The following RPTOR variants were observed in gnomAD, a reference collection of about 807,000 sequenced individuals.
RPTOR encodes regulatory associated protein of MTOR complex 1, also known as regulatory-associated protein of mTOR.
RPTOR carries 21 observed loss-of-function variants against 169.9 expected under a neutral mutation model. The observed-to-expected ratio is 0.12, with a 90% confidence interval of 0.09 to 0.18. The LOEUF is 0.18. Among genes scored for constraint, RPTOR ranks in the 10% least tolerant of loss-of-function variants. RPTOR has a pLI of 1.00. For missense variants in RPTOR, 1,133 were observed against 1,855.9 expected (o/e 0.61, Z 7.16); for synonymous variants, 732 against 753.2 (o/e 0.97, Z 0.46).
At chr17:80,780,609 A>G (rs1304461583) in intron 6 of RPTOR, among the ~76,000 whole-genome samples, 1 of 152,124 alleles carries the variant, frequency 6.6e-6, no homozygotes, top group African/African-American at 2.4e-5. Context: ...GTGACCTGTG[A>G]TACGTATACT....
intron 6 of RPTOR, among the ~76,000 whole-genome samples, chr17:80,757,521 G>T (rs2066692666): frequency 6.6e-6 from 1 of 152,052 alleles, no homozygotes; most frequent in African/African-American, 2.4e-5. Flanking sequence ...TCTCTTGTTT[G>T]TCTTAATCTG....
At chr17:80,806,186 G>T (rs1388082978) in intron 7 of RPTOR, among the ~76,000 whole-genome samples, 1 of 152,200 alleles carries the variant, frequency 6.6e-6, no homozygotes, top group East Asian at 1.9e-4. Context: ...TCTCTCGGGT[G>T]CCATGTTCAC....
chr17:80,925,901 C>A (rs2143990571), intron 24 of RPTOR, among the ~76,000 whole-genome samples: 1 of 152,372 alleles, frequency 6.6e-6, no homozygotes, highest in African/African-American at 2.4e-5. Flanking sequence ...TCAACCCTGA[C>A]ACAGCCCTAA....
chr17:80,692,909 A>C lies in RPTOR; in HGVS notation c.349-14932A>C, dbSNP rs183735170. Among the ~76,000 whole-genome samples, 18 of 152,324 alleles carry C rather than the reference A, an allele frequency of 1.2e-4. No homozygotes were observed. In the East Asian group the frequency reaches 3.5e-3, roughly 29 times the overall value. ...GAGCCTATTTTATCTTTTCTTCTGT[A>C]GGTCACCACTGAAATGTTTTAATAA... On this transcript the variant is annotated intron_variant, in intron 3 of 33. Transcript: ENST00000306801.
chr17:80,554,742 T>TTAAAA (rs148803677), intron 1 of RPTOR, among the ~76,000 whole-genome samples: 1 of 143,862 alleles, frequency 7.0e-6, no homozygotes, highest in Non-Finnish European at 1.5e-5. Context: ...AGACTCTGTC[T>TTAAAA]CAAAACAAAA....
chr17:80,714,806 CTT>C (rs1415775946), intron 4 of RPTOR, among the ~76,000 whole-genome samples: 4 of 152,204 alleles, frequency 2.6e-5, no homozygotes, highest in African/African-American at 4.8e-5. Flanking sequence ...CCACTGCAAC[CTT>C]TGTCTCCTGG....
intron 25 of RPTOR, 90 bp downstream of exon 25, chr17:80,940,691 C>A: frequency 9.7e-7 from 1 of 1,032,640 alleles, no homozygotes; most frequent in Non-Finnish European, 1.4e-6. Flanking sequence ...CCGCGGCCCA[C>A]GCACAACCTT....
intron 3 of RPTOR, among the ~76,000 whole-genome samples, chr17:80,701,588 C>T (rs2066101417): frequency 6.6e-6 from 1 of 152,108 alleles, no homozygotes; most frequent in Non-Finnish European, 1.5e-5. Context: ...TCACTAGACC[C>T]CAGATGGGGC....
intron 24 of RPTOR, among the ~76,000 whole-genome samples, chr17:80,934,125 C>G (rs1486228425): frequency 6.6e-6 from 1 of 151,332 alleles, no homozygotes. Context: ...CTGAATAGTT[C>G]CTGTCTATTA....
rs1252227686 is a variant in RPTOR at position 80,707,691 on chromosome 17, A to G, written c.349-150A>G. 1 of 712,600 alleles carries G rather than the reference A, an allele frequency of 1.4e-6. No homozygotes were observed. The highest frequency in any genetic ancestry group is 1.8e-5 in the African/African-American group (1 of 56,116). 44.1% of individuals were successfully genotyped at this position (712,600 alleles called of 1,614,324 possible). On this transcript the variant is annotated intron_variant, in intron 3 of 33. Transcript: ENST00000306801. This position sits in a 1 kb window ranked among gnomAD's most constrained non-coding sequence, Gnocchi z 5.0. ...TTCGGCATGAGCCAGGGTGCCTGGC[A>G]TTACCTGGTTTTATAGATGGAGAAA...
At chr17:80,809,903 G>A (rs1266605401) in intron 7 of RPTOR, among the ~76,000 whole-genome samples, 1 of 152,114 alleles carries the variant, frequency 6.6e-6, no homozygotes, top group Non-Finnish European at 1.5e-5. Flanking sequence ...TGGGTGTGGT[G>A]TCACACACCT....
At chr17:80,580,377 G>C (rs559697856) in intron 1 of RPTOR, among the ~76,000 whole-genome samples, 1 of 152,284 alleles carries the variant, frequency 6.6e-6, no homozygotes, top group East Asian at 1.9e-4. Context: ...CCCATTTTAT[G>C]TGCCCGCTCG....
intron 28 of RPTOR, among the ~76,000 whole-genome samples, chr17:80,953,556 C>T (rs533306226): frequency 1.3e-5 from 2 of 152,394 alleles, no homozygotes; most frequent in South Asian, 4.1e-4. Context: ...CTGGCGCAGC[C>T]TCCGGATGGC....
rs547807752 is a variant in RPTOR, at chr17:80,884,990, C to A, written c.1843-18C>A. The A allele has an allele frequency of 5.6e-6, 9 of 1,602,050 alleles. No homozygotes were observed. In the African/African-American group the frequency reaches 1.2e-4, roughly 21 times the overall value. ...GGCCCGGTGTGGGACATGCCTGTGA[C>A]CCCCCGCCGCCTTGCAGGTCCGCTG... is the stretch of plus-strand genomic sequence containing the variant. On this transcript the variant is annotated intron_variant, in intron 16 of 33. Transcript: ENST00000306801.
chr17:80,813,909 G>A (rs574314285), intron 7 of RPTOR, among the ~76,000 whole-genome samples: 1 of 152,338 alleles, frequency 6.6e-6, no homozygotes, highest in Admixed American at 6.5e-5. Context: ...CGAGGCAGGT[G>A]GATCACCCGA....
intron 28 of RPTOR, among the ~76,000 whole-genome samples, chr17:80,954,235 C>T (rs995574235): frequency 6.6e-6 from 1 of 152,170 alleles, no homozygotes; most frequent in Non-Finnish European, 1.5e-5. Context: ...AATTCTCCTG[C>T]CTCAGCCTCC....
At chr17:80,912,390 C>T (rs1435668069) in intron 21 of RPTOR, among the ~76,000 whole-genome samples, 2 of 152,180 alleles carry the variant, frequency 1.3e-5, no homozygotes, top group African/African-American at 4.8e-5. Context: ...GTATTTTGAT[C>T]ATGATGAAAT....
chr17:80,758,526 C>G (rs556510561), intron 6 of RPTOR, among the ~76,000 whole-genome samples: 65 of 152,172 alleles, frequency 4.3e-4, no homozygotes, highest in African/African-American at 1.5e-3. Context: ...ATAGGGAGAC[C>G]TTGGTGACCA....
chr17:80,835,603 C>G (rs2333989), intron 9 of RPTOR, among the ~76,000 whole-genome samples: 74,279 of 152,104 alleles, frequency 0.49, 20,495 homozygotes, highest in Non-Finnish European at 0.61. Context: ...AGGGCCACCA[C>G]GCTGCCACAG....
Sources: allele counts gnomAD v4.1 joint callset (sites outside exome capture counted in the v4.1 genomes callset), GRCh38; gene constraint gnomAD v4.1.1; non-coding constraint Gnocchi (gnomAD v3.1); transcripts MANE v1.5; gene names NCBI Gene and HGNC (gene_info 2026-07-23, HGNC 2026-07-21).